Variants in CLDN14 observed in about 807,000 individuals in gnomAD.
The protein encoded by CLDN14 is claudin 14, also known as claudin-14.
CLDN14 carries 2 observed loss-of-function variants against 2.1 expected under a neutral mutation model. That is an observed-to-expected ratio of 0.96 (90% CI 0.39 to 3.01). The LOEUF (loss-of-function observed/expected upper bound fraction) is 3.01. CLDN14 is among the 30% of genes most tolerant of loss of function. CLDN14 has a pLI of 0.09. For synonymous variants in CLDN14, 136 were observed against 154.4 expected (o/e 0.88, Z 0.88); for missense variants, 298 against 328.0 (o/e 0.91, Z 0.71).
chr21:36,478,902 C>T (rs113316664), intron 1 of CLDN14, among the ~76,000 whole-genome samples: 1 of 152,270 alleles, frequency 6.6e-6, no homozygotes, highest in African/African-American at 2.4e-5. Context: ...GATTAACTCA[C>T]GTCTCAAATT....
At position 36,461,705 on chromosome 21, in the gene CLDN14, G is replaced by C; in HGVS notation, c.-10C>G. ...CGGCCGTGCTGGCCATGGTGCGGCT[G>C]CCTGCCTAGGCCAGCCGGGCAGCTC... is the stretch of plus-strand genomic sequence containing the variant. On this transcript the variant is annotated 5_prime_UTR_variant, in exon 2 of 2. Transcript: ENST00000399135. 3 of 1,548,178 alleles carry C rather than the reference G, an allele frequency of 1.9e-6. No homozygotes were observed. The highest frequency in any genetic ancestry group is 2.6e-6 in the Non-Finnish European group (3 of 1,146,822).
chr21:36,505,061 A>G (rs1452333311), intron 2 of CLDN14, among the ~76,000 whole-genome samples: 1 of 152,224 alleles, frequency 6.6e-6, no homozygotes, highest in Non-Finnish European at 1.5e-5. Context: ...TAGGGCCAAA[A>G]GGAAGCCCAT....
chr21:36,483,374 C>T (rs1189733741), upstream of CLDN14, among the ~76,000 whole-genome samples: 1 of 152,232 alleles, frequency 6.6e-6, no homozygotes, highest in Non-Finnish European at 1.5e-5. Flanking sequence ...GAGGGCTGCA[C>T]AAATGCATCA....
chr21:36,473,183 A>G (rs909538879), intron 1 of CLDN14, among the ~76,000 whole-genome samples: 2 of 152,030 alleles, frequency 1.3e-5, no homozygotes, highest in Non-Finnish European at 2.9e-5. Context: ...TCTCAGGCTC[A>G]AGTGATCCTC....
intron 2 of CLDN14, among the ~76,000 whole-genome samples, chr21:36,490,949 G>GACACACAC (rs3030068): frequency 5.2e-4 from 77 of 148,856 alleles, no homozygotes; most frequent in Admixed American, 1.4e-3. Flanking sequence ...CAAGTGCACA[G>GACACACAC]ACACACACAC....
chr21:36,548,539 G>A (rs1292187537), intron 1 of CLDN14, among the ~76,000 whole-genome samples: 3 of 152,200 alleles, frequency 2.0e-5, no homozygotes, highest in African/African-American at 7.2e-5. Flanking sequence ...CAAGATGTGG[G>A]GGAATGGGGT....
intron 2 of CLDN14, among the ~76,000 whole-genome samples, chr21:36,506,033 A>G (rs754239570): frequency 2.0e-5 from 3 of 152,218 alleles, no homozygotes; most frequent in Non-Finnish European, 4.4e-5. Flanking sequence ...TTCATCCCCC[A>G]GTTATACTCC....
intron 2 of CLDN14, among the ~76,000 whole-genome samples, chr21:36,510,053 G>A (rs1281370146): frequency 6.6e-6 from 1 of 152,192 alleles, no homozygotes; most frequent in Non-Finnish European, 1.5e-5. Flanking sequence ...AGCAAATGGT[G>A]TAAACTCCCA....
chr21:36,490,698 C>A (rs1364007314), intron 2 of CLDN14, among the ~76,000 whole-genome samples: 1 of 151,836 alleles, frequency 6.6e-6, no homozygotes, highest in Non-Finnish European at 1.5e-5. Flanking sequence ...CAAAAAATTT[C>A]TTTACTTATA....
intron 1 of CLDN14, among the ~76,000 whole-genome samples, chr21:36,541,127 G>A (rs1416206318): frequency 6.6e-6 from 1 of 152,228 alleles, no homozygotes; most frequent in African/African-American, 2.4e-5. Context: ...ATTCCAGAGA[G>A]AGGACTTGAT....
At chr21:36,468,249 C>T (rs2086670115) in intron 1 of CLDN14, among the ~76,000 whole-genome samples, 2 of 152,190 alleles carry the variant, frequency 1.3e-5, no homozygotes, top group Admixed American at 6.5e-5. Flanking sequence ...GTCACCCCAA[C>T]CAAATGGCCT....
chr21:36,507,989 CAT>C (rs1411698047), intron 2 of CLDN14, among the ~76,000 whole-genome samples: 2 of 152,180 alleles, frequency 1.3e-5, no homozygotes, highest in African/African-American at 2.4e-5. Context: ...AATATACACA[CAT>C]ATATGTGTAT....
At chr21:36,557,513 A>C (rs1181581119) in intron 1 of CLDN14, among the ~76,000 whole-genome samples, 1 of 151,986 alleles carries the variant, frequency 6.6e-6, no homozygotes, top group Non-Finnish European at 1.5e-5. Flanking sequence ...TGTGGTTTTG[A>C]TTCGCATTTC....
chr21:36,462,020 G>A (rs764414792), intron 1 of CLDN14, among the ~76,000 whole-genome samples: 2 of 152,156 alleles, frequency 1.3e-5, no homozygotes, highest in African/African-American at 2.4e-5. Flanking sequence ...GCCACCTGCC[G>A]GAAGTTCTGC....
At chr21:36,543,374 C>G (rs2087505508) in intron 1 of CLDN14, among the ~76,000 whole-genome samples, 1 of 152,090 alleles carries the variant, frequency 6.6e-6, no homozygotes, top group South Asian at 2.1e-4. Context: ...GAAAAAGATT[C>G]AAAGAAATAA....
intron 2 of CLDN14, among the ~76,000 whole-genome samples, chr21:36,505,340 GC>G (rs1318991587): frequency 2.0e-5 from 3 of 152,062 alleles, no homozygotes; most frequent in East Asian, 3.9e-4. Flanking sequence ...TAGCCCTTCA[GC>G]CCAGATAGCT....
At chr21:36,474,631 G>A (rs560447411) in intron 1 of CLDN14, among the ~76,000 whole-genome samples, 331 of 152,258 alleles carry the variant, frequency 2.2e-3, no homozygotes, top group Non-Finnish European at 3.9e-3. Context: ...GAACAACACC[G>A]ATAACAAAAA....
chr21:36,507,579 T>C (rs144296999), intron 2 of CLDN14, among the ~76,000 whole-genome samples: 1,638 of 152,154 alleles, frequency 0.011, 29 homozygotes, highest in African/African-American at 0.037. Context: ...GCCTGGCCAA[T>C]GTGGTGGAGT....
chr21:36,477,445 T>C (rs1253782979), intron 1 of CLDN14: 1 of 152,254 alleles, frequency 6.6e-6, no homozygotes, highest in African/African-American at 2.4e-5. Context: ...ACAAAGCTCT[T>C]GCTGGTCTCC....
Sources: allele counts gnomAD v4.1 joint callset (sites outside exome capture counted in the v4.1 genomes callset), GRCh38; gene constraint gnomAD v4.1.1; transcripts MANE v1.5; gene names NCBI Gene and HGNC (gene_info 2026-07-23, HGNC 2026-07-21).